The following BRWD1 variants were observed in gnomAD, a reference collection of about 807,000 sequenced individuals.
BRWD1 encodes bromodomain and WD repeat-containing protein 1.
A neutral mutation model predicts 251.2 loss-of-function variants in BRWD1; 82 were observed. The observed-to-expected ratio is 0.33, with a 90% confidence interval of 0.27 to 0.39. The LOEUF (loss-of-function observed/expected upper bound fraction) is 0.39. BRWD1 is among the 10% of genes least tolerant of loss of function. The pLI is 1.00. For synonymous variants in BRWD1, 918 were observed against 902.8 expected (o/e 1.02, Z -0.30); for missense variants, 2,233 against 2,711.6 (o/e 0.82, Z 3.92).
chr21:39,198,986 C>G lies in BRWD1; in HGVS notation c.5430G>C (p.Ala1810=), dbSNP rs141349834. ...GRKYNTFHKN[A]SFFKKTKILS... is the part of the protein sequence containing the mutation. ...GAATCTTGGTTTTTTTAAAGAAACT[C>G]GCATTCTTGTGAAATGTATTGTATT... is the stretch of plus-strand genomic sequence containing the variant. Residue 1810 remains alanine (A), a synonymous_variant, in exon 40 of 41, where the codon GCG becomes GCC. Coordinates refer to ENST00000342449, the MANE Select transcript of BRWD1 (RefSeq NM_033656.4). The G allele has an allele frequency of 1.2e-6, 2 of 1,613,968 alleles. No homozygotes were observed. Among genetic ancestry groups the G allele is most frequent in the South Asian group, 2.2e-5 (2 of 91,068 alleles).
chr21:39,258,920 G>A (rs950999216), intron 17 of BRWD1, among the ~76,000 whole-genome samples: 11 of 152,104 alleles, frequency 7.2e-5, no homozygotes, highest in African/African-American at 2.7e-4. Context: ...TCCTGCAAGT[G>A]GAAGCATGGA....
chr21:39,255,132 C>A (rs555614343), intron 19 of BRWD1, among the ~76,000 whole-genome samples: 1 of 152,040 alleles, frequency 6.6e-6, no homozygotes, highest in African/African-American at 2.4e-5. Flanking sequence ...AAGACGGAGC[C>A]GGGCGTGGTG....
At chr21:39,293,059 G>A (rs955958355) in intron 8 of BRWD1, among the ~76,000 whole-genome samples, 8 of 152,094 alleles carry the variant, frequency 5.3e-5, no homozygotes, top group East Asian at 1.9e-4. Flanking sequence ...CCTAGGATTC[G>A]CTTTAGGTAC....
At chr21:39,312,739 TCA>T in intron 4 of BRWD1, 100 bp downstream of exon 4, 1 of 871,170 alleles carries the variant, frequency 1.1e-6, no homozygotes, top group Non-Finnish European at 1.7e-6. Context: ...CCAGTGCGGG[TCA>T]CACTTTGCAC....
At chr21:39,266,895 G>A (rs1051135797) in intron 15 of BRWD1, among the ~76,000 whole-genome samples, 4 of 152,128 alleles carry the variant, frequency 2.6e-5, no homozygotes, top group African/African-American at 7.2e-5. Context: ...TGTTGCCCAC[G>A]TGAAATGTTT....
chr21:39,304,141 C>CAAAAAAAAAAAA (rs56990201), intron 4 of BRWD1, among the ~76,000 whole-genome samples: 5 of 118,376 alleles, frequency 4.2e-5, no homozygotes, highest in African/African-American at 6.5e-5. Context: ...AACTCTTTCT[C>CAAAAAAAAAAAA]AAAAAAAAAA....
intron 29 of BRWD1, among the ~76,000 whole-genome samples, chr21:39,223,164 T>C (rs529598492): frequency 1.3e-5 from 2 of 152,298 alleles, no homozygotes; most frequent in South Asian, 2.1e-4. Flanking sequence ...CTATAGACAA[T>C]AGTATCGTAT....
chr21:39,313,792 G>A (rs1218912861), upstream of BRWD1: 2 of 382,018 alleles, frequency 5.2e-6, no homozygotes, highest in Non-Finnish European at 9.5e-6. Flanking sequence ...GACTCGATGA[G>A]GAGAAAGTGA....
intron 26 of BRWD1, among the ~76,000 whole-genome samples, chr21:39,228,811 A>G (rs575102172): frequency 3.3e-5 from 5 of 152,182 alleles, no homozygotes; most frequent in Non-Finnish European, 5.9e-5. Context: ...TTTTTTCTTC[A>G]TAACTACTCT....
At position 39,198,611 on chromosome 21, in the gene BRWD1, G is replaced by A. The variant is rs2031941539; in HGVS notation, c.5653+152C>T. On this transcript the variant is annotated intron_variant, in intron 40 of 40. Transcript: ENST00000342449. The stretch of plus-strand genomic sequence containing the variant: ...CACATAAGAATATAAAGGATGAACA[G>A]AGAAGGCTAACACAGAATGCATGGG... The A allele has an allele frequency of 6.4e-6, 4 of 625,916 alleles. No individual in the cohort carries two copies. The East Asian group carries it at 8.5e-5, about 13-fold the overall frequency. The allele number at this position is 625,916 out of a possible 1,614,324, so 38.8% of individuals were successfully genotyped here.
At chr21:39,310,949 G>A (rs1041746119) in intron 4 of BRWD1, among the ~76,000 whole-genome samples, 2 of 152,120 alleles carry the variant, frequency 1.3e-5, no homozygotes, top group South Asian at 4.1e-4. Context: ...CTCTACACAT[G>A]AGGCTCATCA....
chr21:39,191,828 T>G lies in BRWD1; in HGVS notation c.*4431A>C. 1.0e-6 allele frequency: 1 copy of G among 985,116 alleles called. No homozygotes were observed. Among genetic ancestry groups the G allele is most frequent in the Non-Finnish European group, 1.2e-6 (1 of 829,716 alleles). 61.0% of individuals were successfully genotyped at this position (985,116 alleles called of 1,614,324 possible). On this transcript the variant is annotated 3_prime_UTR_variant, in exon 41 of 41. Coordinates refer to ENST00000342449, the MANE Select transcript of BRWD1 (RefSeq NM_033656.4). ...TCTCTTTGGCAGTCTAAAATCTCAT[T>G]TAAGGGCTTTAATAAATGAAAAAAC...
chr21:39,303,259 C>T (rs1163999348), intron 4 of BRWD1, among the ~76,000 whole-genome samples: 1 of 151,928 alleles, frequency 6.6e-6, no homozygotes. Flanking sequence ...TGACTCACAC[C>T]TGTAATCCCA....
chr21:39,250,745 C>CT, intron 20 of BRWD1, 51 bp downstream of exon 20: 1 of 1,154,104 alleles, frequency 8.7e-7, no homozygotes, highest in Non-Finnish European at 1.2e-6. Context: ...AAAGAAAACT[C>CT]TATATTTCAA....
chr21:39,213,915 T>G (rs117691526), intron 32 of BRWD1, among the ~76,000 whole-genome samples: 1 of 149,234 alleles, frequency 6.7e-6, no homozygotes, highest in South Asian at 2.1e-4. Context: ...GTAAAAAAAA[T>G]ATATATATAT....
At chr21:39,224,010 G>A (rs755819491) in intron 29 of BRWD1, among the ~76,000 whole-genome samples, 3 of 152,048 alleles carry the variant, frequency 2.0e-5, no homozygotes, top group African/African-American at 4.8e-5. Context: ...CACCATGCCC[G>A]CCTAATTTTT....
At position 39,230,091 on chromosome 21, in the gene BRWD1, C is replaced by T. The variant is rs141852887; in HGVS notation, c.3001-655G>A. 6.6e-5 allele frequency among the ~76,000 whole-genome samples: 10 copies of T among 152,300 alleles called. 1 individual carries two copies. The East Asian group carries it at 1.9e-3, about 29-fold the overall frequency. On this transcript the variant is annotated intron_variant, in intron 25 of 40. Coordinates refer to ENST00000342449, the MANE Select transcript of BRWD1 (RefSeq NM_033656.4). ...ATATTATACAGTGAAAATGTGTAAG[C>T]ATTCTACTTATTCATAAGTGTTCTT... is the stretch of plus-strand genomic sequence containing the variant.
At chr21:39,292,775 T>C (rs1454602506) in intron 8 of BRWD1, among the ~76,000 whole-genome samples, 1 of 152,216 alleles carries the variant, frequency 6.6e-6, no homozygotes, top group African/African-American at 2.4e-5. Context: ...CATAGATAGG[T>C]GAAATTTATA....
At chr21:39,238,215 A>G (rs979262138) in intron 22 of BRWD1, among the ~76,000 whole-genome samples, 3 of 151,490 alleles carry the variant, frequency 2.0e-5, no homozygotes, top group African/African-American at 7.3e-5. Context: ...TAGTCTTTTT[A>G]AGTGCAACCA....
Sources: gnomAD v4.1 joint callset for allele counts (sites outside exome capture counted in the v4.1 genomes callset) on GRCh38, gnomAD v4.1.1 for gene constraint, MANE v1.5 for transcripts, NCBI Gene and HGNC (gene_info 2026-07-23, HGNC 2026-07-21) for gene names.